Variants in KAZN observed in about 807,000 individuals in gnomAD.
KAZN encodes the protein kazrin.
KAZN carries 40 observed loss-of-function variants against 87.4 expected under a neutral mutation model. The ratio of observed to expected loss-of-function variants is 0.46; its 90% CI spans 0.36 to 0.60. KAZN has a LOEUF of 0.60. Ranked by LOEUF, KAZN falls within the 20% of genes least tolerant of loss-of-function variation. The pLI is 0.00. For missense variants in KAZN, 898 were observed against 1,073.9 expected (o/e 0.84, Z 2.29); for synonymous variants, 466 against 458.3 (o/e 1.02, Z -0.22).
At chr1:15,002,804 C>T (rs944433818) in intron 2 of KAZN, among the ~76,000 whole-genome samples, 1 of 151,800 alleles carries the variant, frequency 6.6e-6, no homozygotes, top group Admixed American at 6.6e-5. Flanking sequence ...GGTGAAACCC[C>T]GTCTCTACTG....
intron 1 of KAZN, among the ~76,000 whole-genome samples, chr1:14,871,649 AGTGTGTGTGTGTGTGT>A (rs3033520): frequency 6.9e-6 from 1 of 144,550 alleles, no homozygotes; most frequent in Non-Finnish European, 1.5e-5. Flanking sequence ...CATGAGCAGC[AGTGTGTGTGTGTGTGT>A]GTGTGTGTGT....
intron 2 of KAZN, among the ~76,000 whole-genome samples, chr1:14,227,801 C>A (rs1647426200): frequency 6.6e-6 from 1 of 152,158 alleles, no homozygotes; most frequent in Non-Finnish European, 1.5e-5. Flanking sequence ...ACAGTAGCTA[C>A]CTTCCTGGAA....
At chr1:15,105,490 T>C (rs1466535888) in intron 13 of KAZN, among the ~76,000 whole-genome samples, 2 of 152,214 alleles carry the variant, frequency 1.3e-5, no homozygotes, top group Non-Finnish European at 2.9e-5. Flanking sequence ...GCCTCTTATA[T>C]ATAAAGTTGG....
intron 2 of KAZN, among the ~76,000 whole-genome samples, chr1:14,370,221 G>C (rs140841826): frequency 1.2e-4 from 18 of 152,322 alleles, no homozygotes; most frequent in African/African-American, 4.3e-4. Flanking sequence ...AGGGAGATGG[G>C]CCATCCTGGC....
chr1:14,273,834 TA>T (rs1652138220), intron 2 of KAZN, among the ~76,000 whole-genome samples: 1 of 55,520 alleles, frequency 1.8e-5, no homozygotes, highest in South Asian at 4.6e-4. Flanking sequence ...CTGGGAGCAG[TA>T]TTTTTTTTTT....
intron 2 of KAZN, among the ~76,000 whole-genome samples, chr1:14,331,747 T>C (rs1486560829): frequency 6.6e-6 from 1 of 152,112 alleles, no homozygotes. Flanking sequence ...ATCCACCCCA[T>C]CCCATCCCCT....
chr1:15,103,769 A>G (rs1641189836), intron 12 of KAZN, among the ~76,000 whole-genome samples: 1 of 152,134 alleles, frequency 6.6e-6, no homozygotes, highest in African/African-American at 2.4e-5. Context: ...TCTCCTAAGC[A>G]AGTGTGGGGT....
chr1:14,563,850 G>A (rs1674389789), intron 2 of KAZN, among the ~76,000 whole-genome samples: 2 of 133,866 alleles, frequency 1.5e-5, no homozygotes, highest in African/African-American at 5.3e-5. Flanking sequence ...GTGCCTGATT[G>A]CACTCAGAGT....
At chr1:14,286,973 G>A (rs1353636724) in intron 2 of KAZN, among the ~76,000 whole-genome samples, 2 of 152,098 alleles carry the variant, frequency 1.3e-5, no homozygotes, top group African/African-American at 2.4e-5. Flanking sequence ...AGCCATATAT[G>A]AATTGAGGGA....
At chr1:14,219,114 G>A (rs1647033377) in intron 2 of KAZN, among the ~76,000 whole-genome samples, 1 of 152,000 alleles carries the variant, frequency 6.6e-6, no homozygotes, top group South Asian at 2.1e-4. Flanking sequence ...AATTACATGA[G>A]AAACAAATGT....
chr1:14,361,655 T>G (rs1207664545), intron 2 of KAZN, among the ~76,000 whole-genome samples: 1 of 152,260 alleles, frequency 6.6e-6, no homozygotes, highest in African/African-American at 2.4e-5. Context: ...GAGTGCACCA[T>G]GCCTCACGGC....
At position 14,910,090 on chromosome 1, in the gene KAZN, A is replaced by AATGAATGAATGC. The variant is rs1557611657; in HGVS notation, c.227-50591_227-50590insAATGAATGCATG. Among the ~76,000 whole-genome samples, 5 of 152,202 alleles carry AATGAATGAATGC rather than the reference A, an allele frequency of 3.3e-5. No individual in the cohort carries two copies. The East Asian group carries it at 7.7e-4, about 24-fold the overall frequency. On this transcript the variant is annotated intron_variant, in intron 1 of 14. Transcript: ENST00000376030. ...GAATGAATGAATGAATGAATGAATG[A>AATGAATGAATGC]ATGCCTGGCCCTGCCCTAATTACAA...
chr1:14,772,869 C>T (rs1430031391), intron 1 of KAZN, among the ~76,000 whole-genome samples: 2 of 152,136 alleles, frequency 1.3e-5, no homozygotes, highest in Non-Finnish European at 2.9e-5. Context: ...TGAGAATTTT[C>T]CCCCAGAATT....
intron 1 of KAZN, among the ~76,000 whole-genome samples, chr1:14,822,510 G>C (rs190603376): frequency 2.6e-5 from 4 of 152,178 alleles, no homozygotes; most frequent in Admixed American, 2.6e-4. Flanking sequence ...TTCAGGTCTG[G>C]GGAGGGAATT....
intron 10 of KAZN, among the ~76,000 whole-genome samples, chr1:15,100,651 A>G (rs768998718): frequency 6.6e-6 from 1 of 152,238 alleles, no homozygotes; most frequent in African/African-American, 2.4e-5. Flanking sequence ...TACAGGGGTC[A>G]TTTCTATGTG....
At chr1:15,078,648 C>T (rs1204321758) in intron 8 of KAZN, among the ~76,000 whole-genome samples, 1 of 152,136 alleles carries the variant, frequency 6.6e-6, no homozygotes, top group Admixed American at 6.5e-5. Context: ...TGGGAAGAAA[C>T]CTCCTAGGAT....
At chr1:14,064,543 T>C (rs72641642) in intron 1 of KAZN, among the ~76,000 whole-genome samples, 7,700 of 152,282 alleles carry the variant, frequency 0.051, 263 homozygotes, top group Middle Eastern at 0.092. Flanking sequence ...GCTTGTTTGT[T>C]TGTTGCTTTG....
At chr1:14,810,574 C>T (rs1199258127) in intron 1 of KAZN, among the ~76,000 whole-genome samples, 3 of 152,102 alleles carry the variant, frequency 2.0e-5, no homozygotes, top group Admixed American at 2.0e-4. Context: ...TGGACATGAC[C>T]CCCTCCCACC....
At chr1:13,981,873 T>G (rs999248865) in intron 1 of KAZN, among the ~76,000 whole-genome samples, 3 of 152,290 alleles carry the variant, frequency 2.0e-5, no homozygotes, top group Non-Finnish European at 4.4e-5. Flanking sequence ...TAGTGATGAT[T>G]GCTGACCTGA....
Sources: gnomAD v4.1 joint callset for allele counts (sites outside exome capture counted in the v4.1 genomes callset) on GRCh38, gnomAD v4.1.1 for gene constraint, MANE v1.5 for transcripts, NCBI Gene and HGNC (gene_info 2026-07-23, HGNC 2026-07-21) for gene names.